The following ASCC2 variants were observed in gnomAD, a reference collection of about 807,000 sequenced individuals.
ASCC2 encodes activating signal cointegrator 1 complex subunit 2, also known as ASC-1 complex subunit P100.
In ASCC2, 42 loss-of-function variants were observed where a neutral mutation model predicts 93.5. The observed-to-expected ratio is 0.45, with a 90% CI of 0.35 to 0.58. The LOEUF is 0.58. Among genes scored for constraint, ASCC2 ranks in the 20% least tolerant of loss-of-function variants. The pLI, the probability that ASCC2 is intolerant of heterozygous loss-of-function variation, is 0.00. For missense variants in ASCC2, 859 were observed against 977.6 expected (o/e 0.88, Z 1.62); for synonymous variants, 364 against 384.2 (o/e 0.95, Z 0.62).
At chr22:29,821,061 G>A (rs1466032193) in intron 5 of ASCC2, among the ~76,000 whole-genome samples, 1 of 152,166 alleles carries the variant, frequency 6.6e-6, no homozygotes, top group Non-Finnish European at 1.5e-5. Flanking sequence ...GCACCCCTCT[G>A]TGCCAGGCCC....
At chr22:29,797,073 A>G (rs552113102) in intron 15 of ASCC2, among the ~76,000 whole-genome samples, 81 of 152,316 alleles carry the variant, frequency 5.3e-4, no homozygotes, top group South Asian at 3.9e-3. Flanking sequence ...GGGAGATGCA[A>G]CCTTGGCCCC....
intron 2 of ASCC2, among the ~76,000 whole-genome samples, chr22:29,831,858 C>T (rs1010737541): frequency 3.3e-5 from 5 of 152,168 alleles, no homozygotes; most frequent in African/African-American, 4.8e-5. Context: ...CACCAAAATA[C>T]GGATAGCAGC....
In ASCC2 at chr22:29,825,407, G is replaced by T; in HGVS notation, c.241-150C>A. 8.4e-7 allele frequency: 1 copy of T among 1,184,786 alleles called. No homozygotes were observed. The highest frequency in any genetic ancestry group is 1.2e-6 in the Non-Finnish European group (1 of 845,718). The allele number at this position is 1,184,786 out of a possible 1,614,324, so 73.4% of individuals were successfully genotyped here. A position where few individuals can be genotyped will look rare whatever the true frequency, so the allele number is the denominator to read the frequency against. Reference sequence around the variant, plus strand: ...CCAAGGAGGTATGAATGAGCCAAGGGCTAAACACAAGATTCTAAAATTGAC... The same window carrying T: ...CCAAGGAGGTATGAATGAGCCAAGGTCTAAACACAAGATTCTAAAATTGAC... On this transcript the variant is annotated intron_variant, in intron 3 of 19. Coordinates refer to ENST00000307790, the MANE Select transcript of ASCC2 (RefSeq NM_032204.5). This position sits in a 1 kb window ranked among gnomAD's most constrained non-coding sequence, Gnocchi z 4.9.
intron 5 of ASCC2, among the ~76,000 whole-genome samples, chr22:29,820,833 G>A (rs1164137146): frequency 6.6e-6 from 1 of 151,142 alleles, no homozygotes; most frequent in Non-Finnish European, 1.5e-5. Context: ...TTGAACCTGG[G>A]AGGCGGAGGT....
chr22:29,789,087 T>C lies in ASCC2; in HGVS notation c.2200A>G (p.Lys734Glu), dbSNP rs1336447591. 1 of 1,614,212 alleles carries C rather than the reference T, an allele frequency of 6.2e-7. No individual in the cohort carries two copies. The highest frequency in any genetic ancestry group is 8.5e-7 in the Non-Finnish European group (1 of 1,180,044). ...CGGTTGTGGTTGGCTCTTGTCGCCT[T>C]GTTGGCTTCCTTCTTCCTGCGTTCC... ...TQERRKKEAN[K>E]ATRANHNRRT... The change falls in exon 20 of 20, where the codon AAG (lysine) becomes GAG (glutamate). Residue 734 changes from lysine to glutamate, a missense_variant. By Grantham distance (56) the Lys-to-Glu change is moderately conservative. Transcript: ENST00000307790.
chr22:29,798,727 A>G (rs1028045005), intron 15 of ASCC2, among the ~76,000 whole-genome samples: 1 of 152,162 alleles, frequency 6.6e-6, no homozygotes, highest in Non-Finnish European at 1.5e-5. Flanking sequence ...ACCCCACCCC[A>G]GCACCTCCCA....
chr22:29,802,904 C>G (rs985986923), intron 13 of ASCC2, among the ~76,000 whole-genome samples: 2 of 151,788 alleles, frequency 1.3e-5, no homozygotes, highest in Admixed American at 6.6e-5. Flanking sequence ...CCACTGCACT[C>G]CAGCCTGGGT....
At chr22:29,799,589 T>C (rs1182767814) in intron 15 of ASCC2, among the ~76,000 whole-genome samples, 1 of 152,196 alleles carries the variant, frequency 6.6e-6, no homozygotes, top group African/African-American at 2.4e-5. Context: ...TCTCTGAACC[T>C]CACGGTCCCC....
In ASCC2 at chr22:29,838,213, G is replaced by A. The variant is rs944209047; in HGVS notation, c.-53C>T. The A allele has an allele frequency of 4.3e-6, 2 of 466,266 alleles. No homozygotes were observed. The highest frequency in any genetic ancestry group is 8.6e-6 in the Non-Finnish European group (2 of 231,856). The allele number at this position is 466,266 out of a possible 1,614,324, so 28.9% of individuals were successfully genotyped here. ...CCACCACCGGCTCTGTGCCGCCGCC[G>A]CCGCCGCCGCCGCCGACCACGGTGA... On this transcript the variant is annotated 5_prime_UTR_variant, in exon 1 of 20. Coordinates refer to ENST00000307790, the MANE Select transcript of ASCC2 (RefSeq NM_032204.5).
Position 29,825,913 on chromosome 22 carries a change from C to A in ASCC2, c.82-133G>T. The stretch of plus-strand genomic sequence containing the variant: ...CAAGGAGCTTTTAAGCATAAAGAAC[C>A]AAGTGTATCTAACAAAGAGGGCATG... On this transcript the variant is annotated intron_variant, in intron 2 of 19. Transcript: ENST00000307790. This position sits in a 1 kb window ranked among gnomAD's most constrained non-coding sequence, Gnocchi z 4.9. The A allele has an allele frequency of 2.0e-6, 2 of 1,009,950 alleles. No individual in the cohort carries two copies. Among genetic ancestry groups the A allele is most frequent in the Non-Finnish European group, 2.9e-6 (2 of 680,732 alleles). 62.6% of individuals were successfully genotyped at this position (1,009,950 alleles called of 1,614,324 possible). A position where few individuals can be genotyped will look rare whatever the true frequency, so the allele number is the denominator to read the frequency against.
Position 29,801,006 on chromosome 22 carries a change from A to G in ASCC2, c.1673T>C (p.Val558Ala), listed in dbSNP as rs1355616182. Residue 558 changes from valine to alanine, a missense_variant, in exon 15 of 20, where the codon GTG becomes GCG. Val to Ala is a moderately conservative substitution (Grantham distance 64, BLOSUM62 0). Transcript: ENST00000307790. ...FSRDSVDLSR[V>A]HKGKSTRKEE... ...CTGCACTCACCTCTTGCCCTTGTGCACCCGGCTCAGGTCTACTGAGTCCCT... is the reference window on the plus strand; with the variant it reads ...CTGCACTCACCTCTTGCCCTTGTGCGCCCGGCTCAGGTCTACTGAGTCCCT... 1.3e-6 allele frequency: 2 copies of G among 1,596,538 alleles called. No individual in the cohort carries two copies. Among genetic ancestry groups the G allele is most frequent in the Non-Finnish European group, 1.7e-6 (2 of 1,166,376 alleles).
chr22:29,790,383 G>A (rs1416287444), intron 19 of ASCC2, 86 bp downstream of exon 19: 2 of 1,325,284 alleles, frequency 1.5e-6, no homozygotes, highest in African/African-American at 1.5e-5. Flanking sequence ...CACTTAGGGT[G>A]TACGTGTGGG....
At position 29,838,250 on chromosome 22, in the gene ASCC2, G is replaced by A. The variant is rs1200600658; in HGVS notation, c.-90C>T. ...GCCGACCACGGTGACAGCTCCCTGA[G>A]CGCCCGCACTTCCGGGGTCAAACTG... On this transcript the variant is annotated 5_prime_UTR_variant, in exon 1 of 20. Coordinates refer to ENST00000307790, the MANE Select transcript of ASCC2 (RefSeq NM_032204.5). 1.1e-5 allele frequency: 5 copies of A among 463,552 alleles called. No homozygotes were observed. Among genetic ancestry groups the A allele is most frequent in the Non-Finnish European group, 2.2e-5 (5 of 229,966 alleles). 28.7% of individuals were successfully genotyped at this position (463,552 alleles called of 1,614,324 possible). A position where few individuals can be genotyped will look rare whatever the true frequency, so the allele number is the denominator to read the frequency against.
chr22:29,811,978 T>C (rs2060325229), intron 8 of ASCC2, among the ~76,000 whole-genome samples: 1 of 152,210 alleles, frequency 6.6e-6, no homozygotes, highest in African/African-American at 2.4e-5. Context: ...TGAGAAAAGA[T>C]ACCTTTTTAA....
intron 17 of ASCC2, among the ~76,000 whole-genome samples, 176 bp from the exon 18 acceptor site, chr22:29,792,711 C>T (rs1361973950): frequency 1.3e-5 from 2 of 152,058 alleles, no homozygotes; most frequent in Non-Finnish European, 2.9e-5. Flanking sequence ...CTGAGGTTAC[C>T]AGAATTTGAG....
chr22:29,806,045 T>C (rs746780259), intron 12 of ASCC2, among the ~76,000 whole-genome samples, 171 bp downstream of exon 12: 2 of 151,926 alleles, frequency 1.3e-5, no homozygotes, highest in Non-Finnish European at 2.9e-5. Context: ...AGAGCAGCCA[T>C]CTCCTCTAGA....
In ASCC2 at chr22:29,825,476, A is replaced by G. The variant is rs998064998; in HGVS notation, c.240+146T>C. 8.1e-7 allele frequency: 1 copy of G among 1,236,844 alleles called. No individual in the cohort carries two copies. The highest frequency in any genetic ancestry group is 1.2e-6 in the Non-Finnish European group (1 of 868,734). 76.6% of individuals were successfully genotyped at this position (1,236,844 alleles called of 1,614,324 possible). On this transcript the variant is annotated intron_variant, in intron 3 of 19. Transcript: ENST00000307790. This position sits in a 1 kb window ranked among gnomAD's most constrained non-coding sequence, Gnocchi z 4.9. The stretch of plus-strand genomic sequence containing the variant: ...ACATTAAGATTGTGATACAAGACAG[A>G]GCAATCCGAACCACAATTTGCTGTT...
intron 13 of ASCC2, 99 bp from the exon 14 acceptor site, chr22:29,802,307 T>C (rs1011767915): frequency 1.6e-6 from 2 of 1,240,662 alleles, no homozygotes; most frequent in Non-Finnish European, 1.1e-6. Context: ...GGGATCTGGT[T>C]CAAGTCCTGG....
intron 12 of ASCC2, among the ~76,000 whole-genome samples, chr22:29,805,756 T>G (rs1439072698): frequency 6.6e-6 from 1 of 152,014 alleles, no homozygotes; most frequent in Non-Finnish European, 1.5e-5. Flanking sequence ...GTCCTTGTCC[T>G]TGCTCCTGGC....
Sources: gnomAD v4.1 joint callset for allele counts (sites outside exome capture counted in the v4.1 genomes callset) on GRCh38, gnomAD v4.1.1 for gene constraint, Gnocchi (gnomAD v3.1) non-coding constraint, MANE v1.5 for transcripts, NCBI Gene and HGNC (gene_info 2026-07-23, HGNC 2026-07-21) for gene names.